NUDCD1: variants seen among roughly 807,000 people sequenced by gnomAD.
NUDCD1 encodes nudC domain-containing protein 1.
NUDCD1 carries 60 observed loss-of-function variants against 67.8 expected under a neutral mutation model. The ratio of observed to expected loss-of-function variants is 0.88; its 90% CI spans 0.72 to 1.10. The LOEUF (loss-of-function observed/expected upper bound fraction) is 1.10. Ranked by LOEUF, NUDCD1 falls within the 50% of genes least tolerant of loss-of-function variation. The probability of loss-of-function intolerance (pLI) is 0.00; values close to 1 mark genes in which losing one functional copy is unlikely to be tolerated. For synonymous variants in NUDCD1, 244 were observed against 230.8 expected (o/e 1.06, Z -0.52); for missense variants, 643 against 695.0 (o/e 0.93, Z 0.84).
intron 8 of NUDCD1, among the ~76,000 whole-genome samples, chr8:109,251,828 T>C (rs1468806889): frequency 6.6e-6 from 1 of 152,064 alleles, no homozygotes; most frequent in African/African-American, 2.4e-5. Flanking sequence ...CTTTTCCTAG[T>C]TTCTTAATGT....
chr8:109,288,365 G>T (rs1229679588), intron 5 of NUDCD1, among the ~76,000 whole-genome samples: 1 of 152,234 alleles, frequency 6.6e-6, no homozygotes, highest in Non-Finnish European at 1.5e-5. Flanking sequence ...CTTACCAAAG[G>T]AATTCTAAAG....
At chr8:109,253,424 C>T (rs1421976983) in intron 8 of NUDCD1, among the ~76,000 whole-genome samples, 2 of 152,144 alleles carry the variant, frequency 1.3e-5, no homozygotes, top group Non-Finnish European at 2.9e-5. Context: ...GCAAATAGAT[C>T]GCCTGGTCAT....
chr8:109,331,858 C>T (rs1159700212), intron 1 of NUDCD1, among the ~76,000 whole-genome samples: 1 of 152,188 alleles, frequency 6.6e-6, no homozygotes, highest in Non-Finnish European at 1.5e-5. Flanking sequence ...CAGGGAAACA[C>T]TGAATGACCG....
chr8:109,318,958 G>GT lies in NUDCD1; in HGVS notation c.273+3350dup, dbSNP rs34597876. Among the ~76,000 whole-genome samples the GT allele has an allele frequency of 8.5e-3, 1,111 of 131,442 alleles. 6 individuals are homozygous for GT. Among genetic ancestry groups the GT allele is most frequent in the African/African-American group, 0.015 (520 of 34,812 alleles). 86.2% of individuals were successfully genotyped at this position (131,442 alleles called of 152,430 possible). On this transcript the variant is annotated intron_variant, in intron 2 of 9. Transcript: ENST00000239690. ...ACAGGCCAATTCCTGCCCATTTTAT[G>GT]TTTTTTTTTTTTTTTTTGAGACGGA...
chr8:109,270,090 A>AGGGGGGGGGGGGGGGGGG (rs1563665962), intron 8 of NUDCD1, among the ~76,000 whole-genome samples: 1 of 7,612 alleles, frequency 1.3e-4, no homozygotes, highest in African/African-American at 5.6e-4. Flanking sequence ...GGGTGCCTTA[A>AGGGGGGGGGGGGGGGGGG]GGTGGGGTGT....
Position 109,243,167 on chromosome 8 carries a change from T to C in NUDCD1, c.1594A>G (p.Asn532Asp), listed in dbSNP as rs1159592090. 3 of 1,613,818 alleles carry C rather than the reference T, an allele frequency of 1.9e-6. No individual in the cohort carries two copies. The highest frequency in any genetic ancestry group is 2.2e-5 in the East Asian group (1 of 44,892). ...CCTACTTGCCTGCCTTCCTTTCTGTTGTAAAGTACAGTGGACATGGGAGCA... is the reference window on the plus strand; with the variant it reads ...CCTACTTGCCTGCCTTCCTTTCTGTCGTAAAGTACAGTGGACATGGGAGCA... Reference protein sequence around the residue: ...QPAPMSTVLYNRKEGRQVGQV... With the variant: ...QPAPMSTVLYDRKEGRQVGQV... The change falls in exon 10 of 10, where the codon AAC becomes GAC. Residue 532 changes from asparagine (N) to aspartate (D), a missense_variant. By Grantham distance (23) the Asn-to-Asp change is conservative. Transcript: ENST00000239690.
At position 109,325,331 on chromosome 8, in the gene NUDCD1, G is replaced by A. The variant is rs539754403; in HGVS notation, c.119-2868C>T. Among the ~76,000 whole-genome samples, 19 of 152,206 alleles carry A rather than the reference G, an allele frequency of 1.2e-4. No individual in the cohort carries two copies. In the South Asian group the frequency reaches 2.7e-3, roughly 22 times the overall value. ...AATATATTGTGTATTTCAAAACAGC[G>A]AGTACCAAAATAGCTAGAAGATTTC... On this transcript the variant is annotated intron_variant, in intron 1 of 9. Transcript: ENST00000239690.
intron 2 of NUDCD1, among the ~76,000 whole-genome samples, chr8:109,303,644 C>A (rs1051030326): frequency 1.4e-5 from 2 of 142,322 alleles, no homozygotes; most frequent in Non-Finnish European, 3.1e-5. Flanking sequence ...CCACCTTTTT[C>A]CCCAGTTAAA....
intron 8 of NUDCD1, among the ~76,000 whole-genome samples, chr8:109,266,538 C>T (rs149754150): frequency 6.2e-4 from 95 of 152,050 alleles, no homozygotes; most frequent in African/African-American, 2.2e-3. Flanking sequence ...GCCACCTCGC[C>T]CGGCTATTTG....
At chr8:109,269,461 A>C (rs1405557547) in intron 8 of NUDCD1, among the ~76,000 whole-genome samples, 2 of 152,216 alleles carry the variant, frequency 1.3e-5, no homozygotes, top group African/African-American at 4.8e-5. Flanking sequence ...AGGAAGGGAT[A>C]GCGAGTGAGA....
chr8:109,284,432 A>G (rs1045605757), intron 5 of NUDCD1, among the ~76,000 whole-genome samples: 3 of 152,094 alleles, frequency 2.0e-5, no homozygotes, highest in African/African-American at 7.2e-5. Flanking sequence ...ACTTAATCTA[A>G]CAGACATCTA....
At position 109,241,302 on chromosome 8, in the gene NUDCD1, T is replaced by A. The variant is rs1012187555; in HGVS notation, c.*1707A>T. ...GTCATGGTTAATTAAGCACCACATT[T>A]TTATTATACATTTTTCTTATGTTCC... On this transcript the variant is annotated 3_prime_UTR_variant, in exon 10 of 10. Transcript: ENST00000239690. 27 of 152,256 alleles carry A rather than the reference T, an allele frequency of 1.8e-4. No homozygotes were observed. The highest frequency in any genetic ancestry group is 6.5e-4 in the African/African-American group (27 of 41,570). 9.4% of individuals were successfully genotyped at this position (152,256 alleles called of 1,614,324 possible).
At chr8:109,263,241 G>A (rs1813914037) in intron 8 of NUDCD1, among the ~76,000 whole-genome samples, 1 of 151,936 alleles carries the variant, frequency 6.6e-6, no homozygotes, top group African/African-American at 2.4e-5. Flanking sequence ...TTTGCATAAT[G>A]AACAACCTTA....
At chr8:109,300,509 C>T (rs745464260) in intron 2 of NUDCD1, among the ~76,000 whole-genome samples, 13 of 151,952 alleles carry the variant, frequency 8.6e-5, no homozygotes, top group South Asian at 2.1e-4. Context: ...ATTCAGAGCT[C>T]GAAGACAAGG....
At chr8:109,315,832 G>A (rs567567546) in intron 2 of NUDCD1, 1 of 152,154 alleles carries the variant, frequency 6.6e-6, no homozygotes, top group Non-Finnish European at 1.5e-5. Context: ...GTAAGTAAGT[G>A]GTCCCCTAAT....
chr8:109,258,507 C>T (rs528711873), intron 8 of NUDCD1, among the ~76,000 whole-genome samples: 6 of 151,466 alleles, frequency 4.0e-5, no homozygotes, highest in East Asian at 1.9e-4. Context: ...AAAAGGTTGG[C>T]GAAGAAAGAA....
intron 8 of NUDCD1, among the ~76,000 whole-genome samples, chr8:109,255,849 G>C (rs1813724561): frequency 6.6e-6 from 1 of 152,132 alleles, no homozygotes; most frequent in South Asian, 2.1e-4. Flanking sequence ...CAAATGCAAA[G>C]ACTCTAAGGG....
intron 8 of NUDCD1, among the ~76,000 whole-genome samples, chr8:109,251,206 C>T (rs1241629070): frequency 6.9e-6 from 1 of 145,294 alleles, no homozygotes; most frequent in Non-Finnish European, 1.5e-5. Flanking sequence ...GAGAGTCTCG[C>T]TCTGTCGCCC....
chr8:109,330,006 G>T, intron 1 of NUDCD1: 1 of 924,814 alleles, frequency 1.1e-6, no homozygotes, highest in Non-Finnish European at 1.4e-6. Flanking sequence ...AATCCCTGAG[G>T]AAGTAACATG....
Sources: gnomAD v4.1 joint callset for allele counts (sites outside exome capture counted in the v4.1 genomes callset) on GRCh38, gnomAD v4.1.1 for gene constraint, MANE v1.5 for transcripts, NCBI Gene and HGNC (gene_info 2026-07-23, HGNC 2026-07-21) for gene names.